The following CHUK variants were observed in gnomAD, a reference collection of about 807,000 sequenced individuals.
The protein encoded by CHUK is component of inhibitor of nuclear factor kappa B kinase complex.
Under a neutral mutation model 104.8 loss-of-function variants are expected in CHUK, and 35 were observed. The ratio of observed to expected loss-of-function variants is 0.33; its 90% CI spans 0.26 to 0.44. The LOEUF is 0.44. Among genes scored for constraint, CHUK ranks in the 20% least tolerant of loss-of-function variants. The pLI is 1.00. For synonymous variants in CHUK, 276 were observed against 291.9 expected, an observed-to-expected ratio of 0.95 and a Z score of 0.56; for missense variants, 663 against 902.7, an observed-to-expected ratio of 0.73 and a Z score of 3.40.
chr10:100,221,458 T>G (rs2134246988), intron 4 of CHUK, among the ~76,000 whole-genome samples: 1 of 151,958 alleles, frequency 6.6e-6, no homozygotes, highest in East Asian at 1.9e-4. Context: ...AAAAAAGAGT[T>G]GACTTGAGGA....
At chr10:100,194,904 A>T in intron 16 of CHUK, 1 of 161,790 alleles carries the variant, frequency 6.2e-6, no homozygotes, top group Non-Finnish European at 1.4e-5. Context: ...CAGTAGGACA[A>T]TTCATCAAAC....
chr10:100,191,099 CTG>C, intron 19 of CHUK, 131 bp from the exon 20 acceptor site: 1 of 714,928 alleles, frequency 1.4e-6, no homozygotes, highest in Non-Finnish European at 2.6e-6. Context: ...CAGTTGACTC[CTG>C]TAGTCTTTAG....
intron 8 of CHUK, 135 bp downstream of exon 8, chr10:100,218,583 C>A (rs903666613): frequency 2.1e-5 from 15 of 711,812 alleles, no homozygotes; most frequent in Non-Finnish European, 3.8e-5. Flanking sequence ...ATGTGGCCAA[C>A]AGAAATATAG....
At chr10:100,208,940 G>C (rs1845656573) in intron 10 of CHUK, among the ~76,000 whole-genome samples, 1 of 152,076 alleles carries the variant, frequency 6.6e-6, no homozygotes, top group African/African-American at 2.4e-5. Context: ...AGTTTTATTG[G>C]GGGTCTGAAG....
chr10:100,219,149 G>A lies in CHUK; in HGVS notation c.565-17C>T, dbSNP rs1845928902. On this transcript the variant is annotated splice_polypyrimidine_tract_variant and intron_variant, in intron 6 of 20. Transcript: ENST00000370397. ...CTCTGGGGCCTTCAAAAGAGAAAATGCTTTAAACACCAACACTGTATGGGA... is the reference window on the plus strand; with the variant it reads ...CTCTGGGGCCTTCAAAAGAGAAAATACTTTAAACACCAACACTGTATGGGA... 1 of 1,612,056 alleles carries A rather than the reference G, an allele frequency of 6.2e-7. No individual in the cohort carries two copies. The highest frequency in any genetic ancestry group is 8.5e-7 in the Non-Finnish European group (1 of 1,178,334).
intron 10 of CHUK, among the ~76,000 whole-genome samples, chr10:100,207,932 T>C (rs1845627286): frequency 6.6e-6 from 1 of 152,132 alleles, no homozygotes; most frequent in African/African-American, 2.4e-5. Context: ...AATCACTATA[T>C]TGTACACCTT....
chr10:100,229,271 C>T (rs1846179974), intron 1 of CHUK, among the ~76,000 whole-genome samples, 157 bp downstream of exon 1: 1 of 152,168 alleles, frequency 6.6e-6, no homozygotes, highest in Non-Finnish European at 1.5e-5. Flanking sequence ...GGCATAGTAT[C>T]TTTCTCTCTA....
chr10:100,217,815 T>G lies in CHUK; in HGVS notation c.933+180A>C, dbSNP rs1260483. ...TCGCTTGAACCTGGGAGGCGCAGGT[T>G]GCAGTGAGCCAAAAACATGCCACTG... On this transcript the variant is annotated intron_variant, in intron 9 of 20. Transcript: ENST00000370397. Among the ~76,000 whole-genome samples the G allele has an allele frequency of 4.9e-3, 743 of 152,334 alleles. 5 individuals are homozygous for G. The highest frequency in any genetic ancestry group is 0.02 in the South Asian group (96 of 4,826).
chr10:100,212,967 C>T (rs1443306414), intron 9 of CHUK, among the ~76,000 whole-genome samples: 2 of 140,030 alleles, frequency 1.4e-5, no homozygotes, highest in African/African-American at 5.5e-5. Context: ...GATCGCGCCA[C>T]TGCACTCCAG....
At chr10:100,229,399 C>T in intron 1 of CHUK, 29 bp downstream of exon 1, 1 of 1,542,304 alleles carries the variant, frequency 6.5e-7, no homozygotes, top group East Asian at 2.3e-5. Flanking sequence ...CTCCAACCCA[C>T]CGCCGCTCCC....
At chr10:100,194,234 T>A in intron 17 of CHUK, 103 bp from the exon 18 acceptor site, 2 of 1,337,524 alleles carry the variant, frequency 1.5e-6, no homozygotes, top group Non-Finnish European at 2.1e-6. Context: ...AGCATCAGAT[T>A]TAATGACTTA....
chr10:100,200,278 T>G (rs1845431370), intron 15 of CHUK, among the ~76,000 whole-genome samples: 1 of 152,150 alleles, frequency 6.6e-6, no homozygotes, highest in Non-Finnish European at 1.5e-5. Flanking sequence ...AAGACAAAAA[T>G]TATGACCTAT....
chr10:100,210,521 C>T (rs1845706473), intron 9 of CHUK, among the ~76,000 whole-genome samples: 1 of 152,182 alleles, frequency 6.6e-6, no homozygotes, highest in South Asian at 2.1e-4. Context: ...ATCTTTTAAT[C>T]TCCATTTTAA....
chr10:100,214,371 T>G (rs1845804556), intron 9 of CHUK, among the ~76,000 whole-genome samples: 1 of 152,110 alleles, frequency 6.6e-6, no homozygotes, highest in Admixed American at 6.6e-5. Flanking sequence ...ACAGAAGATA[T>G]TAAGATATAC....
Position 100,218,749 on chromosome 10 carries a change from T to C in CHUK, c.766A>G (p.Ser256Gly). ...AGGCTATTTGGTTGAGGTAAATGGC[T>C]ACTAAACCGAACTTCTCCTGACATC... The part of the protein sequence containing the change: ...EEMSGEVRFS[S>G]HLPQPNSLCS... Residue 256 changes from serine to glycine, a missense_variant, in exon 8 of 21, where the codon AGC (serine) becomes GGC (glycine). Around this residue, in one of 5 missense-constraint regions of CHUK, gnomAD observed 200 missense variants for 333.0 expected, o/e 0.60. Coordinates refer to ENST00000370397, the MANE Select transcript of CHUK (RefSeq NM_001278.5). 6.2e-7 allele frequency: 1 copy of C among 1,613,488 alleles called. No individual in the cohort carries two copies. Among genetic ancestry groups the C allele is most frequent in the Non-Finnish European group, 8.5e-7 (1 of 1,179,450 alleles).
At chr10:100,201,265 A>G (rs1432732024) in intron 14 of CHUK, among the ~76,000 whole-genome samples, 6 of 152,188 alleles carry the variant, frequency 3.9e-5, no homozygotes, top group Non-Finnish European at 8.8e-5. Flanking sequence ...AAGGAGTGTA[A>G]TAACTTAGGA....
chr10:100,210,112 G>C (rs1845695565), intron 9 of CHUK, among the ~76,000 whole-genome samples: 1 of 133,742 alleles, frequency 7.5e-6, no homozygotes, highest in Admixed American at 7.2e-5. Flanking sequence ...TTTTGAGACG[G>C]AGTCTCGCTC....
At position 100,209,753 on chromosome 10, in the gene CHUK, T is replaced by A. The variant is rs1845679018; in HGVS notation, c.970A>T (p.Ile324Phe). 1 of 1,530,852 alleles carries A rather than the reference T, an allele frequency of 6.5e-7. No individual in the cohort carries two copies. The highest frequency in any genetic ancestry group is 1.4e-5 in the African/African-American group (1 of 73,172). 94.8% of individuals were successfully genotyped at this position (1,530,852 alleles called of 1,614,324 possible). A position where few individuals can be genotyped will look rare whatever the true frequency, so the allele number is the denominator to read the frequency against. The change falls in exon 10 of 21, where the codon ATT becomes TTT. Residue 324 changes from isoleucine (I) to phenylalanine (F), a missense_variant. Ile to Phe is a conservative substitution (Grantham distance 21, BLOSUM62 0). Around this residue, in one of 5 missense-constraint regions of CHUK, gnomAD observed 93 missense variants for 95.9 expected, o/e 0.97. Coordinates refer to ENST00000370397, the MANE Select transcript of CHUK (RefSeq NM_001278.5). Reference sequence around the variant, plus strand: ...TCATCAGGTGGTAACAGAAAAGAAATTATCTTTGCAGAAGTCATATTTAGG... The same window carrying A: ...TCATCAGGTGGTAACAGAAAAGAAAATATCTTTGCAGAAGTCATATTTAGG... ...HILNMTSAKI[I>F]SFLLPPDESL...
intron 13 of CHUK, among the ~76,000 whole-genome samples, chr10:100,203,039 G>A (rs1011646060): frequency 6.6e-6 from 1 of 152,128 alleles, no homozygotes; most frequent in Non-Finnish European, 1.5e-5. Context: ...GATTACAGGC[G>A]TGAGTCACCA....
Sources: allele counts gnomAD v4.1 joint callset (sites outside exome capture counted in the v4.1 genomes callset), GRCh38; gene constraint gnomAD v4.1.1; regional missense constraint gnomAD v4.1.1; transcripts MANE v1.5; gene names NCBI Gene and HGNC (gene_info 2026-07-23, HGNC 2026-07-21).